Variants in RPS6KA5 observed in about 807,000 individuals in gnomAD.
The protein encoded by RPS6KA5 is ribosomal protein S6 kinase A5, also known as ribosomal protein S6 kinase alpha-5.
RPS6KA5 carries 27 observed loss-of-function variants against 85.5 expected under a neutral mutation model. That is an observed-to-expected ratio of 0.32 (90% confidence interval 0.23 to 0.44). The LOEUF (loss-of-function observed/expected upper bound fraction) is 0.44, where lower values mean the gene tolerates loss of function less well. Ranked by LOEUF, RPS6KA5 falls within the 20% of genes least tolerant of loss-of-function variation. The pLI is 1.00. For missense variants in RPS6KA5, 811 were observed against 980.9 expected, an observed-to-expected ratio of 0.83 and a Z score of 2.31; for synonymous variants, 334 against 348.2, an observed-to-expected ratio of 0.96 and a Z score of 0.46.
intron 5 of RPS6KA5, among the ~76,000 whole-genome samples, chr14:90,927,617 A>C (rs2036742683): frequency 6.6e-6 from 1 of 152,116 alleles, no homozygotes; most frequent in Non-Finnish European, 1.5e-5. Context: ...GTACATTACA[A>C]AATAATAAAA....
At chr14:90,974,037 CAAAAAAAAA>C (rs56212923) in intron 3 of RPS6KA5, among the ~76,000 whole-genome samples, 2 of 61,444 alleles carry the variant, frequency 3.3e-5, no homozygotes, top group African/African-American at 6.2e-5. Context: ...GACTCCATCT[CAAAAAAAAA>C]AAAAAAAAAA....
In RPS6KA5 at chr14:90,853,477, C is replaced by T. The variant is rs184363160; in HGVS notation, c.*18597G>A. 1 of 148,746 alleles carries T rather than the reference C, an allele frequency of 6.7e-6. No homozygotes were observed. The highest frequency in any genetic ancestry group is 2.6e-5 in the African/African-American group (1 of 38,858). 9.2% of individuals were successfully genotyped at this position (148,746 alleles called of 1,614,324 possible). Reference sequence around the variant, plus strand: ...TAAATAAGATGCATCCCTTAAGTAACAACAATAAAAAAAAAACCCAAAAAC... The same window carrying T: ...TAAATAAGATGCATCCCTTAAGTAATAACAATAAAAAAAAAACCCAAAAAC... On this transcript the variant is annotated 3_prime_UTR_variant, in exon 17 of 17. Transcript: ENST00000614987.
chr14:90,920,071 A>C (rs1218277146), intron 7 of RPS6KA5, 135 bp downstream of exon 7: 1 of 703,032 alleles, frequency 1.4e-6, no homozygotes, highest in East Asian at 2.7e-5. Flanking sequence ...TATGATAGAA[A>C]TGAAAATTTA....
intron 1 of RPS6KA5, among the ~76,000 whole-genome samples, chr14:91,046,767 C>A (rs1368343936): frequency 6.6e-6 from 1 of 151,384 alleles, no homozygotes; most frequent in Non-Finnish European, 1.5e-5. Flanking sequence ...TATTGTTTAT[C>A]ATTACGTATT....
chr14:90,881,361 G>A (rs1174303713), intron 14 of RPS6KA5, among the ~76,000 whole-genome samples: 1 of 151,064 alleles, frequency 6.6e-6, no homozygotes, highest in Non-Finnish European at 1.5e-5. Flanking sequence ...GCTGAGGCAT[G>A]AGAATTGCCT....
chr14:90,968,079 C>T (rs1250778717), intron 3 of RPS6KA5, among the ~76,000 whole-genome samples: 2 of 152,180 alleles, frequency 1.3e-5, no homozygotes, highest in African/African-American at 2.4e-5. Context: ...CATCACTGGA[C>T]TAAAATCAAG....
intron 3 of RPS6KA5, among the ~76,000 whole-genome samples, chr14:90,951,255 G>T (rs570459057): frequency 6.6e-6 from 1 of 151,992 alleles, no homozygotes. Flanking sequence ...AGGCCGAGGC[G>T]GGCGGGTCAC....
chr14:90,991,110 G>C (rs916763711), intron 2 of RPS6KA5, among the ~76,000 whole-genome samples: 1 of 152,124 alleles, frequency 6.6e-6, no homozygotes, highest in African/African-American at 2.4e-5. Context: ...TGAAAGCAAG[G>C]CAAGAATTTG....
chr14:91,060,562 A>G lies in RPS6KA5; in HGVS notation c.-128T>C. On this transcript the variant is annotated 5_prime_UTR_variant, in exon 1 of 17. Transcript: ENST00000614987. ...TGCGGCGGCTCCAGAACTCGGACGC[A>G]AAGACGAGTCTCTTTCCCGCTCTGG... 1 of 1,151,476 alleles carries G rather than the reference A, an allele frequency of 8.7e-7. No individual in the cohort carries two copies. Among genetic ancestry groups the G allele is most frequent in the Non-Finnish European group, 1.1e-6 (1 of 911,044 alleles). 71.3% of individuals were successfully genotyped at this position (1,151,476 alleles called of 1,614,324 possible).
intron 1 of RPS6KA5, among the ~76,000 whole-genome samples, chr14:91,016,691 C>T (rs917087219): frequency 6.6e-6 from 1 of 152,022 alleles, no homozygotes; most frequent in Non-Finnish European, 1.5e-5. Flanking sequence ...GTGGTATACA[C>T]TCGGTTCTTC....
At chr14:91,039,579 T>C (rs1463685688) in intron 1 of RPS6KA5, among the ~76,000 whole-genome samples, 3 of 152,216 alleles carry the variant, frequency 2.0e-5, no homozygotes, top group East Asian at 1.9e-4. Context: ...CTTATGTTTC[T>C]GAGATGCACA....
chr14:91,060,296 C>G, intron 1 of RPS6KA5, 36 bp downstream of exon 1: 4 of 1,193,964 alleles, frequency 3.4e-6, no homozygotes, highest in East Asian at 3.5e-5. Context: ...CGCGCCCCCG[C>G]GCCGGGCCCG....
chr14:91,058,716 C>T (rs1043831133), intron 1 of RPS6KA5, among the ~76,000 whole-genome samples: 1 of 152,046 alleles, frequency 6.6e-6, no homozygotes, highest in African/African-American at 2.4e-5. Flanking sequence ...GAAGAAAAAC[C>T]AAATCACCTG....
At chr14:90,875,914 A>T (rs1218759866) in intron 14 of RPS6KA5, among the ~76,000 whole-genome samples, 2 of 48,546 alleles carry the variant, frequency 4.1e-5, no homozygotes, top group Admixed American at 5.7e-4. Flanking sequence ...GGGTGGGGGG[A>T]GGGGGGAGGG....
intron 2 of RPS6KA5, among the ~76,000 whole-genome samples, chr14:90,987,622 C>T (rs1283390048): frequency 1.3e-5 from 2 of 152,104 alleles, no homozygotes; most frequent in African/African-American, 2.4e-5. Context: ...GCCCAAAGAC[C>T]GCCTCAACTG....
rs1274689961 is a variant in RPS6KA5 at position 90,991,852 on chromosome 14, G to A, written c.175+9236C>T. ...AAGGAAACCAGATAGTTCAAGAGAA[G>A]CAAGTCAATCTGAGTAAAAAAGAGT... On this transcript the variant is annotated intron_variant, in intron 2 of 16. Coordinates refer to ENST00000614987, the MANE Select transcript of RPS6KA5 (RefSeq NM_004755.4). Among the ~76,000 whole-genome samples the A allele has an allele frequency of 2.6e-5, 4 of 152,180 alleles. No individual in the cohort carries two copies. In the East Asian group the frequency reaches 5.8e-4, roughly 22 times the overall value.
chr14:90,882,839 A>C (rs1595117498), intron 14 of RPS6KA5, among the ~76,000 whole-genome samples: 1 of 150,706 alleles, frequency 6.6e-6, no homozygotes. Flanking sequence ...ACAGAGTCTC[A>C]CTCTGTCACC....
intron 14 of RPS6KA5, among the ~76,000 whole-genome samples, chr14:90,876,361 G>GT (rs2033476842): frequency 6.6e-6 from 1 of 152,084 alleles, no homozygotes; most frequent in Non-Finnish European, 1.5e-5. Flanking sequence ...TATTTGATCT[G>GT]TAATTACCCC....
At chr14:90,943,030 C>A in intron 5 of RPS6KA5, 48 bp downstream of exon 5, 1 of 1,071,908 alleles carries the variant, frequency 9.3e-7, no homozygotes, top group Non-Finnish European at 1.4e-6. Context: ...AAGTTTTCAT[C>A]CTTGTTTACA....
Sources: gnomAD v4.1 joint callset for allele counts (sites outside exome capture counted in the v4.1 genomes callset) on GRCh38, gnomAD v4.1.1 for gene constraint, MANE v1.5 for transcripts, NCBI Gene and HGNC (gene_info 2026-07-23, HGNC 2026-07-21) for gene names.